Variants in PPM1N observed in about 807,000 individuals in gnomAD.
The protein encoded by PPM1N is protein phosphatase, Mg2+/Mn2+ dependent 1N (putative), also known as probable protein phosphatase 1N.
In PPM1N, 35 loss-of-function variants were observed where a neutral mutation model predicts 32.6. The ratio of observed to expected loss-of-function variants is 1.07; its 90% CI spans 0.82 to 1.43. The LOEUF is 1.43. Ranked by LOEUF, PPM1N falls within the 40% of genes most tolerant of loss-of-function variation. PPM1N has a pLI of 0.00. For synonymous variants in PPM1N, 275 were observed against 270.5 expected (o/e 1.02, Z -0.16); for missense variants, 648 against 606.6 (o/e 1.07, Z -0.72).
chr19:45,502,308 GAAA>G lies in PPM1N; in HGVS notation c.*247_*249del, dbSNP rs61574042. The G allele has an allele frequency of 2.2e-4, 6 of 26,858 alleles. No homozygotes were observed. The highest frequency in any genetic ancestry group is 1.7e-3 in the South Asian group (1 of 580). 1.7% of individuals were successfully genotyped at this position (26,858 alleles called of 1,614,324 possible). A position where few individuals can be genotyped will look rare whatever the true frequency, so the allele number is the denominator to read the frequency against. On this transcript the variant is annotated 3_prime_UTR_variant, in exon 5 of 5. Coordinates refer to ENST00000451287, the MANE Select transcript of PPM1N (RefSeq NM_001080401.2). ...GACCAAAAAGAAAAAAGCCCAAATCGAAAAAAAAAAAAAAAAAAAAAAAAAACA... is the reference window on the plus strand; with the variant it reads ...GACCAAAAAGAAAAAAGCCCAAATCGAAAAAAAAAAAAAAAAAAAAAAACA...
At chr19:45,499,762 C>T in intron 1 of PPM1N, 187 bp from the exon 2 acceptor site, 1 of 1,512,676 alleles carries the variant, frequency 6.6e-7, no homozygotes, top group Non-Finnish European at 8.9e-7. Flanking sequence ...AGGGAAAAGG[C>T]ATTGTTCTCT....
chr19:45,498,548 A>G lies in PPM1N; in HGVS notation c.76A>G (p.Arg26Gly). Reference protein sequence around the residue: ...CKKKEREKEGREEEEEEEAGR... With the variant: ...CKKKEREKEGGEEEEEEEAGR... ...GAAAAAGGAGAGGGAGAAGGAGGGG[A>G]GGGAGGAAGAGGAGGAGGAGGAGGC... Residue 26 changes from arginine (R) to glycine (G), a missense_variant, in exon 1 of 5, where the codon AGG (arginine) becomes GGG (glycine). Arg to Gly is a moderately radical substitution (Grantham distance 125, BLOSUM62 -2). Coordinates refer to ENST00000451287, the MANE Select transcript of PPM1N (RefSeq NM_001080401.2). The G allele has an allele frequency of 1.4e-6, 2 of 1,451,522 alleles. No homozygotes were observed. The highest frequency in any genetic ancestry group is 1.8e-6 in the Non-Finnish European group (2 of 1,105,352). The allele number at this position is 1,451,522 out of a possible 1,614,324, so 89.9% of individuals were successfully genotyped here.
In PPM1N at chr19:45,502,404, A is replaced by G. The variant is rs1421967612; in HGVS notation, c.*319A>G. On this transcript the variant is annotated 3_prime_UTR_variant, in exon 5 of 5. Transcript: ENST00000451287. ...AGATTCTGAGAGATAACCCAGTCCA[A>G]TAACCTCTTTCCTTCTTATTACTCA... is the stretch of plus-strand genomic sequence containing the variant. 2.0e-6 allele frequency: 1 copy of G among 500,062 alleles called. No homozygotes were observed. The highest frequency in any genetic ancestry group is 3.4e-6 in the Non-Finnish European group (1 of 290,320). 31.0% of individuals were successfully genotyped at this position (500,062 alleles called of 1,614,324 possible).
rs1293917774 is a variant in PPM1N, at chr19:45,498,488, C to T, written c.16C>T (p.Arg6Cys). The T allele has an allele frequency of 2.6e-5, 35 of 1,355,096 alleles. No homozygotes were observed. The highest frequency in any genetic ancestry group is 3.1e-5 in the African/African-American group (2 of 64,950). 83.9% of individuals were successfully genotyped at this position (1,355,096 alleles called of 1,614,324 possible). A position where few individuals can be genotyped will look rare whatever the true frequency, so the allele number is the denominator to read the frequency against. MAVLA[R>C]QLQRLLWTAC... is the part of the protein sequence containing the mutation. ...GGGCTGAAGGATGGCGGTCCTGGCCCGCCAGCTGCAGCGTCTCCTCTGGAC... is the reference window on the plus strand; with the variant it reads ...GGGCTGAAGGATGGCGGTCCTGGCCTGCCAGCTGCAGCGTCTCCTCTGGAC... The change falls in exon 1 of 5, where the codon CGC becomes TGC. Residue 6 changes from arginine (R) to cysteine (C), a missense_variant. Transcript: ENST00000451287.
chr19:45,499,451 A>T (rs944956913), intron 1 of PPM1N, 40 bp downstream of exon 1: 4 of 1,597,820 alleles, frequency 2.5e-6, no homozygotes, highest in Non-Finnish European at 3.4e-6. Context: ...GGCTTGGTGC[A>T]GCAGAGGGAG....
Position 45,499,127 on chromosome 19 carries a change from C to G in PPM1N, c.655C>G (p.Arg219Gly). Residue 219 changes from arginine (R) to glycine (G), a missense_variant, in exon 1 of 5, where the codon CGC becomes GGC. Coordinates refer to ENST00000451287, the MANE Select transcript of PPM1N (RefSeq NM_001080401.2). ...ERIHAAGGTI[R>G]RRRVEGSLAV... ...CATCCACGCCGCTGGCGGCACCATCCGCCGCCGCCGCGTCGAGGGCTCTCT... is the reference window on the plus strand; with the variant it reads ...CATCCACGCCGCTGGCGGCACCATCGGCCGCCGCCGCGTCGAGGGCTCTCT... The G allele has an allele frequency of 6.6e-7, 1 of 1,513,500 alleles. No individual in the cohort carries two copies. Among genetic ancestry groups the G allele is most frequent in the Non-Finnish European group, 8.8e-7 (1 of 1,140,082 alleles). 93.8% of individuals were successfully genotyped at this position (1,513,500 alleles called of 1,614,324 possible).
At chr19:45,499,809 AAG>A (rs1405293657) in intron 1 of PPM1N, 138 bp from the exon 2 acceptor site, 34 of 1,495,730 alleles carry the variant, frequency 2.3e-5, no homozygotes, top group Admixed American at 4.5e-5. Flanking sequence ...TGGTCCCAGT[AAG>A]AGAGGATTGG....
In PPM1N at chr19:45,498,921, G is replaced by T. The variant is rs962086898; in HGVS notation, c.449G>T (p.Arg150Leu). ...CGAGCCTTCTTGAGCGCCGACGAGC[G>T]CCTGCGCTCCCTCTGGCCCCGCGTG... ...LRRAFLSADE[R>L]LRSLWPRVET... is the part of the protein sequence containing the mutation. The change falls in exon 1 of 5, where the codon CGC (arginine) becomes CTC (leucine). Residue 150 changes from arginine to leucine, a missense_variant. Arg to Leu is a moderately radical substitution (Grantham distance 102). Coordinates refer to ENST00000451287, the MANE Select transcript of PPM1N (RefSeq NM_001080401.2). 1.3e-6 allele frequency: 2 copies of T among 1,532,590 alleles called. No homozygotes were observed. Among genetic ancestry groups the T allele is most frequent in the Non-Finnish European group, 1.7e-6 (2 of 1,149,048 alleles). The allele number at this position is 1,532,590 out of a possible 1,614,324, so 94.9% of individuals were successfully genotyped here. A position where few individuals can be genotyped will look rare whatever the true frequency, so the allele number is the denominator to read the frequency against.
In PPM1N at chr19:45,498,664, C is replaced by T. The variant is rs774060308; in HGVS notation, c.192C>T (p.Gly64=). The T allele has an allele frequency of 1.4e-6, 2 of 1,434,504 alleles. No individual in the cohort carries two copies. The highest frequency in any genetic ancestry group is 1.8e-6 in the Non-Finnish European group (2 of 1,096,774). 88.9% of individuals were successfully genotyped at this position (1,434,504 alleles called of 1,614,324 possible). A position where few individuals can be genotyped will look rare whatever the true frequency, so the allele number is the denominator to read the frequency against. The change falls in exon 1 of 5, where the codon GGC becomes GGT. Residue 64 remains glycine (G), a synonymous_variant. Coordinates refer to ENST00000451287, the MANE Select transcript of PPM1N (RefSeq NM_001080401.2). The part of the protein sequence containing the change: ...RPHGGAEASG[G]LRFGASAAQG... ...ACGGGGGTGCCGAGGCGTCTGGGGG[C>T]CTGCGCTTCGGGGCGAGCGCAGCGC...
rs780352125 is a variant in PPM1N at position 45,501,999 on chromosome 19, C to T, written c.1225-18C>T. ...AGACAGAATTTCTCATTACCTTCTC[C>T]CACATTTTGTGTTACAGAAGGGGCA... On this transcript the variant is annotated intron_variant, in intron 4 of 4. Coordinates refer to ENST00000451287, the MANE Select transcript of PPM1N (RefSeq NM_001080401.2). 4.0e-6 allele frequency: 6 copies of T among 1,481,796 alleles called. No homozygotes were observed. The allele number at this position is 1,481,796 out of a possible 1,614,324, so 91.8% of individuals were successfully genotyped here.
At chr19:45,499,519 A>G (rs778689477) in intron 1 of PPM1N, 108 bp downstream of exon 1, 3 of 1,558,764 alleles carry the variant, frequency 1.9e-6, no homozygotes, top group Non-Finnish European at 2.6e-6. Flanking sequence ...TAAAGCTAGC[A>G]AAGGAGGGGA....
chr19:45,498,578 C>A lies in PPM1N; in HGVS notation c.106C>A (p.Arg36Ser), dbSNP rs1405409677. 1 of 1,459,756 alleles carries A rather than the reference C, an allele frequency of 6.9e-7. No individual in the cohort carries two copies. The highest frequency in any genetic ancestry group is 1.4e-5 in the South Asian group (1 of 72,978). The allele number at this position is 1,459,756 out of a possible 1,614,324, so 90.4% of individuals were successfully genotyped here. The change falls in exon 1 of 5, where the codon CGC becomes AGC. Residue 36 changes from arginine to serine, a missense_variant. By Grantham distance (110) the Arg-to-Ser change is moderately radical. Coordinates refer to ENST00000451287, the MANE Select transcript of PPM1N (RefSeq NM_001080401.2). ...REEEEEEEAG[R>S]RAPEGPRSLL... ...GGAAGAGGAGGAGGAGGAGGCGGGG[C>A]GCAGGGCCCCCGAAGGGCCTCGGTC... is the stretch of plus-strand genomic sequence containing the variant.
chr19:45,500,394 C>T, intron 2 of PPM1N, 62 bp from the exon 3 acceptor site: 2 of 1,463,900 alleles, frequency 1.4e-6, no homozygotes, highest in Non-Finnish European at 1.9e-6. Flanking sequence ...CTTGGTCTCC[C>T]AAAGTGCTGG....
At position 45,502,317 on chromosome 19, in the gene PPM1N, A is replaced by AAAAAAC. The variant is rs1568630053; in HGVS notation, c.*237_*238insCAAAAA. The stretch of plus-strand genomic sequence containing the variant: ...GAAAAAAGCCCAAATCGAAAAAAAA[A>AAAAAAC]AAAAAAAAAAAAAAAAACAAAAAAA... On this transcript the variant is annotated 3_prime_UTR_variant, in exon 5 of 5. Coordinates refer to ENST00000451287, the MANE Select transcript of PPM1N (RefSeq NM_001080401.2). The AAAAAAC allele has an allele frequency of 2.0e-6, 1 of 502,678 alleles. No individual in the cohort carries two copies. Among genetic ancestry groups the AAAAAAC allele is most frequent in the African/African-American group, 2.2e-5 (1 of 45,970 alleles). The allele number at this position is 502,678 out of a possible 1,614,324, so 31.1% of individuals were successfully genotyped here.
rs372097234 is a variant in PPM1N, at chr19:45,500,705, G to A, written c.1219G>A (p.Gly407Arg). ...SQICQVSEEC[G>R]EKGQDGAGKS... ...GATCTGCCAGGTCTCAGAAGAGTGC[G>A]GAGAGGTAAGGATCCTGTGTTCTCC... is the stretch of plus-strand genomic sequence containing the variant. The change falls in exon 4 of 5, where the codon GGA (glycine) becomes AGA (arginine). Residue 407 changes from glycine (G) to arginine (R), a missense_variant. Coordinates refer to ENST00000451287, the MANE Select transcript of PPM1N (RefSeq NM_001080401.2). 1.8e-4 allele frequency: 281 copies of A among 1,597,618 alleles called. No individual in the cohort carries two copies. The highest frequency in any genetic ancestry group is 2.3e-4 in the Non-Finnish European group (264 of 1,172,244).
At position 45,500,067 on chromosome 19, in the gene PPM1N, G is replaced by A. The variant is rs1221090324; in HGVS notation, c.1057+1G>A. 3 of 1,586,706 alleles carry A rather than the reference G, an allele frequency of 1.9e-6. No homozygotes were observed. The South Asian group carries it at 3.4e-5, about 18-fold the overall frequency. ...GCAGCCCTGGGCTGCAGAATCGCTG[G>A]TGAGCAGACTCTGGGGGCCCAGCTG... On this transcript the variant is annotated splice_donor_variant, in intron 2 of 4. Coordinates refer to ENST00000451287, the MANE Select transcript of PPM1N (RefSeq NM_001080401.2). LOFTEE classifies it high-confidence loss of function.
rs1182875110 is a variant in PPM1N at position 45,498,820 on chromosome 19, C to T, written c.348C>T (p.Arg116=). The change falls in exon 1 of 5, where the codon CGC becomes CGT. Residue 116 remains arginine (R), a synonymous_variant. Coordinates refer to ENST00000451287, the MANE Select transcript of PPM1N (RefSeq NM_001080401.2). ...CTCGAGCTGCCCGCTTCGGTGCACG[C>T]CATTTGCCAGGCCATGTGCTCCAGG... The part of the protein sequence containing the change: ...GGARAARFGA[R]HLPGHVLQEL... 2 of 1,545,666 alleles carry T rather than the reference C, an allele frequency of 1.3e-6. No individual in the cohort carries two copies. The highest frequency in any genetic ancestry group is 8.7e-7 in the Non-Finnish European group (1 of 1,154,434).
In PPM1N at chr19:45,500,050, G is replaced by A. The variant is rs1968386437; in HGVS notation, c.1041G>A (p.Leu347=). The part of the protein sequence containing the change: ...IRRELALDAA[L]GCRIAELCAS... ...GGGAGCTAGCACTGGACGCAGCCCTGGGCTGCAGAATCGCTGGTGAGCAGA... is the reference window on the plus strand; with the variant it reads ...GGGAGCTAGCACTGGACGCAGCCCTAGGCTGCAGAATCGCTGGTGAGCAGA... Residue 347 remains leucine (L), a synonymous_variant, in exon 2 of 5, where the codon CTG becomes CTA. Coordinates refer to ENST00000451287, the MANE Select transcript of PPM1N (RefSeq NM_001080401.2). 3 of 1,595,578 alleles carry A rather than the reference G, an allele frequency of 1.9e-6. No homozygotes were observed. The highest frequency in any genetic ancestry group is 1.3e-5 in the African/African-American group (1 of 74,744).
chr19:45,499,311 T>C lies in PPM1N; in HGVS notation c.839T>C (p.Val280Ala). The change falls in exon 1 of 5, where the codon GTG becomes GCG. Residue 280 changes from valine (V) to alanine (A), a missense_variant. Physicochemically the swap from Val to Ala is moderately conservative, Grantham distance 64. Transcript: ENST00000451287. The stretch of plus-strand genomic sequence containing the variant: ...GCCTCTGATGGCGTCTGGGACACTG[T>C]GTCTGGTGCTGCCCTGGCGGGACTG... ...LLASDGVWDT[V>A]SGAALAGLVA... is the part of the protein sequence containing the mutation. 1 of 1,613,104 alleles carries C rather than the reference T, an allele frequency of 6.2e-7. No individual in the cohort carries two copies. Among genetic ancestry groups the C allele is most frequent in the Non-Finnish European group, 8.5e-7 (1 of 1,179,840 alleles).
Sources: allele counts gnomAD v4.1 joint callset, GRCh38; gene constraint gnomAD v4.1.1; transcripts MANE v1.5; gene names NCBI Gene and HGNC (gene_info 2026-07-23, HGNC 2026-07-21).